SLC8A1: variants seen among roughly 807,000 people sequenced by gnomAD.
SLC8A1 encodes solute carrier family 8 member A1.
In SLC8A1, 18 loss-of-function variants were observed where a neutral mutation model predicts 68.3. The ratio of observed to expected loss-of-function variants is 0.26; its 90% CI spans 0.18 to 0.39. The LOEUF is 0.39. Ranked by LOEUF, SLC8A1 falls within the 10% of genes least tolerant of loss-of-function variation. SLC8A1 has a pLI of 1.00. For synonymous variants in SLC8A1, 475 were observed against 415.5 expected, an observed-to-expected ratio of 1.14 and a Z score of -1.74; for missense variants, 985 against 1,156.7, an observed-to-expected ratio of 0.85 and a Z score of 2.15.
At chr2:40,493,350 TGGG>T (rs371308429) in intron 1 of SLC8A1, among the ~76,000 whole-genome samples, 1 of 18,658 alleles carries the variant, frequency 5.4e-5, no homozygotes, top group Non-Finnish European at 1.4e-4. Flanking sequence ...TGTTGTGGGG[TGGG>T]GGGGAGGGGG....
chr2:40,297,942 C>T lies in SLC8A1; in HGVS notation c.1809-120087G>A, dbSNP rs544756212. Among the ~76,000 whole-genome samples, 9 of 152,132 alleles carry T rather than the reference C, an allele frequency of 5.9e-5. No individual in the cohort carries two copies. In the South Asian group the frequency reaches 8.3e-4, roughly 14 times the overall value. On this transcript the variant is annotated intron_variant, in intron 2 of 7. Coordinates refer to ENST00000406785, the Ensembl canonical transcript of SLC8A1. ...TCGCCCAGGCTGGAGTGCAGTGGTG[C>T]GATCTCGGCTCACTGCAACCTCCAT...
At chr2:40,400,236 G>A (rs1001316200) in intron 2 of SLC8A1, among the ~76,000 whole-genome samples, 1 of 152,112 alleles carries the variant, frequency 6.6e-6, no homozygotes, top group Non-Finnish European at 1.5e-5. Context: ...GGTGTCTGAG[G>A]AGTTTTGTCT....
At chr2:40,332,781 C>T (rs79570592) in intron 2 of SLC8A1, among the ~76,000 whole-genome samples, 1,837 of 152,182 alleles carry the variant, frequency 0.012, 30 homozygotes, top group African/African-American at 0.041. Flanking sequence ...TTAATATTTC[C>T]GTGAATAAAG....
intron 1 of SLC8A1, among the ~76,000 whole-genome samples, chr2:40,441,484 G>A (rs1207514058): frequency 6.6e-6 from 1 of 151,802 alleles, no homozygotes; most frequent in Non-Finnish European, 1.5e-5. Context: ...AACAAAGCTG[G>A]GGGCATCACA....
chr2:40,130,359 T>C (rs1275950117), intron 7 of SLC8A1, among the ~76,000 whole-genome samples: 1 of 152,278 alleles, frequency 6.6e-6, no homozygotes, highest in Non-Finnish European at 1.5e-5. Context: ...CTTTGCAGGC[T>C]TCCTTTAACT....
At chr2:40,108,398 T>G (rs1237376664) in exon 8 of SLC8A1, 2 of 152,210 alleles carry the variant, frequency 1.3e-5, no homozygotes, top group African/African-American at 4.8e-5. Flanking sequence ...TGGGATTTAT[T>G]TCACTTAAAT....
At chr2:40,426,175 G>A (rs1172078595) in intron 2 of SLC8A1, among the ~76,000 whole-genome samples, 5 of 151,952 alleles carry the variant, frequency 3.3e-5, no homozygotes, top group East Asian at 1.9e-4. Flanking sequence ...ATGTAGGGCT[G>A]TAATTTCATT....
At chr2:40,228,449 G>A (rs2059256330) in intron 2 of SLC8A1, among the ~76,000 whole-genome samples, 1 of 152,220 alleles carries the variant, frequency 6.6e-6, no homozygotes, top group African/African-American at 2.4e-5. Flanking sequence ...CCAACTGGAG[G>A]CAGCTGCAGC....
At chr2:40,356,180 A>G (rs2149462226) in intron 2 of SLC8A1, among the ~76,000 whole-genome samples, 1 of 152,294 alleles carries the variant, frequency 6.6e-6, no homozygotes, top group African/African-American at 2.4e-5. Flanking sequence ...ACAGATATCA[A>G]ACATTACCCT....
chr2:40,415,859 T>C lies in SLC8A1; in HGVS notation c.1808+12614A>G, dbSNP rs941270251. On this transcript the variant is annotated intron_variant, in intron 2 of 7. Coordinates refer to ENST00000406785, the Ensembl canonical transcript of SLC8A1. Reference sequence around the variant, plus strand: ...TGAAACCCCATCTCTACTAAAAGTATACACACACACACACACACACACACA... The same window carrying C: ...TGAAACCCCATCTCTACTAAAAGTACACACACACACACACACACACACACA... Among the ~76,000 whole-genome samples, 419 of 113,592 alleles carry C rather than the reference T, an allele frequency of 3.7e-3. 1 individual carries two copies. Among genetic ancestry groups the C allele is most frequent in the South Asian group, 8.1e-3 (24 of 2,968 alleles). 74.5% of individuals were successfully genotyped at this position (113,592 alleles called of 152,430 possible). A position where few individuals can be genotyped will look rare whatever the true frequency, so the allele number is the denominator to read the frequency against.
chr2:40,438,272 C>T (rs983930964), intron 1 of SLC8A1, among the ~76,000 whole-genome samples: 4 of 152,054 alleles, frequency 2.6e-5, no homozygotes, highest in African/African-American at 9.7e-5. Flanking sequence ...ACCTTAAACA[C>T]TGAAAAAGAA....
chr2:40,276,715 C>A (rs764653052), intron 2 of SLC8A1, among the ~76,000 whole-genome samples: 3 of 152,164 alleles, frequency 2.0e-5, no homozygotes, highest in Non-Finnish European at 4.4e-5. Flanking sequence ...CCTCTTTAAT[C>A]TTTCAAAATA....
intron 2 of SLC8A1, among the ~76,000 whole-genome samples, chr2:40,231,900 CCCTGGACTGGCCTGGGATA>C (rs2148900027): frequency 6.6e-6 from 1 of 152,244 alleles, no homozygotes; most frequent in East Asian, 1.9e-4. Flanking sequence ...ACTTGGCTGT[CCCTGGACTGGCCTGGGATA>C]CCTATAATAT....
At chr2:40,458,107 G>A (rs1263097183) in intron 1 of SLC8A1, among the ~76,000 whole-genome samples, 2 of 152,204 alleles carry the variant, frequency 1.3e-5, no homozygotes, top group Non-Finnish European at 2.9e-5. Flanking sequence ...ACTGACCTAA[G>A]GTCAAATAGC....
chr2:40,388,524 T>C (rs1319754476), intron 2 of SLC8A1, among the ~76,000 whole-genome samples: 4 of 152,178 alleles, frequency 2.6e-5, no homozygotes. Context: ...CATTTACTGA[T>C]GAGAGTGGAC....
Position 40,204,582 on chromosome 2 carries a change from C to G in SLC8A1, c.1809-26727G>C, listed in dbSNP as rs1397092260. Among the ~76,000 whole-genome samples the G allele has an allele frequency of 3.9e-5, 6 of 152,134 alleles. No homozygotes were observed. The East Asian group carries it at 1.2e-3, about 30-fold the overall frequency. On this transcript the variant is annotated intron_variant, in intron 2 of 7. Transcript: ENST00000406785. ...ACATGGATTAGCCCCATTCTAATGA[C>G]TCTATCCCTTTGGCGGAGCTAATGT... is the stretch of plus-strand genomic sequence containing the variant.
At chr2:40,270,294 T>C (rs531821733) in intron 2 of SLC8A1, among the ~76,000 whole-genome samples, 1 of 152,332 alleles carries the variant, frequency 6.6e-6, no homozygotes, top group African/African-American at 2.4e-5. Flanking sequence ...GGAAGGTATA[T>C]TCCTTTTCTA....
chr2:40,305,078 A>G lies in SLC8A1; in HGVS notation c.1808+123395T>C, dbSNP rs2149281384. Among the ~76,000 whole-genome samples the G allele has an allele frequency of 2.0e-5, 3 of 152,314 alleles. No homozygotes were observed. The Middle Eastern group carries it at 0.01, about 518-fold the overall frequency. On this transcript the variant is annotated intron_variant, in intron 2 of 7. Coordinates refer to ENST00000406785, the Ensembl canonical transcript of SLC8A1. ...CATTTCTAACAACTTCCCAGGTGAT[A>G]GCCATTCTGCTGGTCCATGGATTGC... is the stretch of plus-strand genomic sequence containing the variant.
intron 1 of SLC8A1, among the ~76,000 whole-genome samples, chr2:40,464,276 G>T (rs1703527739): frequency 6.6e-6 from 1 of 152,150 alleles, no homozygotes; most frequent in South Asian, 2.1e-4. Flanking sequence ...AAGAAATATT[G>T]GTAGCCAATG....
Sources: gnomAD v4.1 joint callset for allele counts (sites outside exome capture counted in the v4.1 genomes callset) on GRCh38, gnomAD v4.1.1 for gene constraint, MANE v1.5 for transcripts, NCBI Gene and HGNC (gene_info 2026-07-23, HGNC 2026-07-21) for gene names.